The following LTN1 variants were observed in gnomAD, a reference collection of about 807,000 sequenced individuals.
LTN1 encodes the protein E3 ubiquitin-protein ligase listerin.
Under a neutral mutation model 201.2 loss-of-function variants are expected in LTN1, and 88 were observed. That is an observed-to-expected ratio of 0.44 (90% CI 0.37 to 0.52). The LOEUF is 0.52. LTN1 is among the 20% of genes least tolerant of loss of function. The pLI, the probability that LTN1 is intolerant of heterozygous loss-of-function variation, is 0.00. For synonymous variants in LTN1, 645 were observed against 713.5 expected (o/e 0.90, Z 1.53); for missense variants, 1,752 against 2,038.7 (o/e 0.86, Z 2.71).
At chr21:28,951,680 A>T (rs1295486923) in intron 18 of LTN1, among the ~76,000 whole-genome samples, 1 of 152,198 alleles carries the variant, frequency 6.6e-6, no homozygotes, top group Non-Finnish European at 1.5e-5. Context: ...TACTTTAAAA[A>T]AAAGGTGTCG....
chr21:28,952,043 T>G, intron 18 of LTN1, 117 bp downstream of exon 18: 1 of 585,272 alleles, frequency 1.7e-6, no homozygotes, highest in Non-Finnish European at 3.0e-6. Context: ...AAGTCGTTAA[T>G]TTCCTCATTT....
At chr21:28,988,391 TG>T (rs1284914414) in intron 1 of LTN1, among the ~76,000 whole-genome samples, 1 of 149,652 alleles carries the variant, frequency 6.7e-6, no homozygotes, top group Non-Finnish European at 1.5e-5. Flanking sequence ...TGCTTGAACC[TG>T]GGAGGCTGAG....
rs774454937 is a variant in LTN1, at chr21:28,943,345, TAG to T, written c.4221-11_4221-10del. 1 of 1,522,758 alleles carries T rather than the reference TAG, an allele frequency of 6.6e-7. No individual in the cohort carries two copies. The highest frequency in any genetic ancestry group is 2.3e-5 in the East Asian group (1 of 44,224). The allele number at this position is 1,522,758 out of a possible 1,614,324, so 94.3% of individuals were successfully genotyped here. The stretch of plus-strand genomic sequence containing the variant: ...GTAATTCAGGCATCAATCTAGAAAT[TAG>T]AACATTATTTTTAAATATGTGATAT... On this transcript the variant is annotated splice_polypyrimidine_tract_variant and intron_variant, in intron 23 of 29. Transcript: ENST00000361371.
intron 27 of LTN1, among the ~76,000 whole-genome samples, chr21:28,934,314 A>G (rs2084236492): frequency 6.6e-6 from 1 of 152,154 alleles, no homozygotes; most frequent in Non-Finnish European, 1.5e-5. Context: ...CTCAAAAACT[A>G]TTTGGTGGGT....
intron 1 of LTN1, among the ~76,000 whole-genome samples, chr21:28,989,223 A>G (rs180925460): frequency 3.9e-4 from 59 of 152,274 alleles, no homozygotes; most frequent in African/African-American, 1.3e-3. Flanking sequence ...TAAAAAACTA[A>G]TTATTGCTAA....
rs765561578 is a variant in LTN1, at chr21:28,945,766, C to CA, written c.3768+40dup. 7 of 1,566,034 alleles carry CA rather than the reference C, an allele frequency of 4.5e-6. No homozygotes were observed. The African/African-American group carries it at 9.5e-5, about 21-fold the overall frequency. ...AATAGTTCTGATGCAAAAGTATGTA[C>CA]AAAAACCCACAAGAGGTGATGACAT... On this transcript the variant is annotated intron_variant, in intron 21 of 29. Coordinates refer to ENST00000361371, the MANE Select transcript of LTN1 (RefSeq NM_015565.3).
chr21:28,941,069 C>G (rs1189610046), intron 25 of LTN1, 151 bp downstream of exon 25: 7 of 597,440 alleles, frequency 1.2e-5, no homozygotes, highest in Non-Finnish European at 2.0e-5. Flanking sequence ...AGAGTGAGAC[C>G]CTGTCTCAAA....
intron 28 of LTN1, among the ~76,000 whole-genome samples, chr21:28,932,016 T>G (rs1017819776): frequency 2.0e-5 from 3 of 152,170 alleles, no homozygotes; most frequent in African/African-American, 7.2e-5. Context: ...AAAAAAGTTT[T>G]TCTTTATTGT....
chr21:28,971,669 T>C (rs1251864500), intron 6 of LTN1, among the ~76,000 whole-genome samples: 4 of 152,208 alleles, frequency 2.6e-5, no homozygotes, highest in Non-Finnish European at 5.9e-5. Context: ...TTCTCTTTCT[T>C]TGACTGAAGC....
chr21:28,970,316 C>T (rs1601200725), intron 8 of LTN1, among the ~76,000 whole-genome samples: 2 of 152,216 alleles, frequency 1.3e-5, no homozygotes, highest in South Asian at 4.1e-4. Context: ...GAAAAATAGC[C>T]TAGTTGACCT....
Position 28,966,390 on chromosome 21 carries a change from CTTTTT to C in LTN1, c.2096_2100del (p.Lys699SerfsTer4). 1 of 1,608,492 alleles carries C rather than the reference CTTTTT, an allele frequency of 6.2e-7. No homozygotes were observed. Among genetic ancestry groups the C allele is most frequent in the Non-Finnish European group, 8.5e-7 (1 of 1,178,512 alleles). On this transcript the variant is annotated frameshift_variant, in exon 10 of 30. Transcript: ENST00000361371. LOFTEE classifies it high-confidence loss of function. ...AATACCTTGGTTAGATCATCCAAGA[CTTTTT>C]TTCTTTCCATATCATTGTCACAGCA... is the stretch of plus-strand genomic sequence containing the variant.
intron 1 of LTN1, among the ~76,000 whole-genome samples, chr21:28,988,939 T>C (rs1315525693): frequency 6.6e-6 from 1 of 150,404 alleles, no homozygotes; most frequent in African/African-American, 2.5e-5. Context: ...CACTCCAGCC[T>C]GGGCAAAAAG....
intron 18 of LTN1, among the ~76,000 whole-genome samples, chr21:28,950,995 G>T (rs1204677971): frequency 1.3e-5 from 2 of 152,076 alleles, no homozygotes; most frequent in Non-Finnish European, 2.9e-5. Flanking sequence ...TCACAGATGT[G>T]AGCTACACAG....
intron 11 of LTN1, 69 bp from the exon 12 acceptor site, chr21:28,960,775 T>G (rs1465682039): frequency 1.9e-6 from 2 of 1,046,204 alleles, no homozygotes; most frequent in East Asian, 5.0e-5. Flanking sequence ...AAATATTACT[T>G]GTACCATATT....
chr21:28,974,612 T>TAG (rs2084600797), intron 6 of LTN1, among the ~76,000 whole-genome samples: 1 of 152,146 alleles, frequency 6.6e-6, no homozygotes, highest in Non-Finnish European at 1.5e-5. Context: ...AAGACTGACA[T>TAG]CTTTCTGGCC....
At chr21:28,947,921 G>A (rs1020960803) in intron 18 of LTN1, among the ~76,000 whole-genome samples, 16 of 151,042 alleles carry the variant, frequency 1.1e-4, no homozygotes, top group African/African-American at 1.9e-4. Flanking sequence ...TGCGGGGTGC[G>A]GTGGCTAATG....
At chr21:28,962,442 A>G (rs1276547683) in intron 11 of LTN1, among the ~76,000 whole-genome samples, 1 of 152,210 alleles carries the variant, frequency 6.6e-6, no homozygotes, top group Non-Finnish European at 1.5e-5. Context: ...AGTGATCTGC[A>G]ATCAGTGACT....
At chr21:28,943,052 C>G (rs761884825) in intron 24 of LTN1, among the ~76,000 whole-genome samples, 1 of 152,078 alleles carries the variant, frequency 6.6e-6, no homozygotes, top group Non-Finnish European at 1.5e-5. Flanking sequence ...CAGTAGCAAA[C>G]GGAAAATGTG....
Position 28,992,856 on chromosome 21 carries a change from C to G in LTN1, c.-51G>C. ...GCACTCAGACCCCGGTTGACACGTC[C>G]GGGACACAACTTCCGGCTTCTGGCG... On this transcript the variant is annotated 5_prime_UTR_variant, in exon 1 of 30. Transcript: ENST00000361371. 1.9e-6 allele frequency: 3 copies of G among 1,613,918 alleles called. No individual in the cohort carries two copies. Among genetic ancestry groups the G allele is most frequent in the Non-Finnish European group, 2.5e-6 (3 of 1,179,922 alleles).
Sources: allele counts gnomAD v4.1 joint callset (sites outside exome capture counted in the v4.1 genomes callset), GRCh38; gene constraint gnomAD v4.1.1; transcripts MANE v1.5; gene names NCBI Gene and HGNC (gene_info 2026-07-23, HGNC 2026-07-21).